SYNC: variants seen among roughly 807,000 people sequenced by gnomAD.
SYNC encodes syncoilin.
A neutral mutation model predicts 49.5 loss-of-function variants in SYNC; 38 were observed. The observed-to-expected ratio is 0.77, with a 90% CI of 0.59 to 1.01. SYNC has a LOEUF of 1.01. Among genes scored for constraint, SYNC ranks in the 50% least tolerant of loss-of-function variants. SYNC has a pLI of 0.00. For synonymous variants in SYNC, 201 were observed against 230.8 expected (o/e 0.87, Z 1.17); for missense variants, 579 against 580.6 (o/e 1.00, Z 0.03).
intron 1 of SYNC, among the ~76,000 whole-genome samples, chr1:32,697,242 G>T (rs1650474214): frequency 6.6e-6 from 1 of 150,524 alleles, no homozygotes; most frequent in Admixed American, 6.6e-5. Flanking sequence ...GGGAGTTCAA[G>T]ACCAGCCTGA....
chr1:32,681,913 C>G (rs1649464558), intron 4 of SYNC, 53 bp from the exon 5 acceptor site: 1 of 1,500,372 alleles, frequency 6.7e-7, no homozygotes, highest in Admixed American at 1.7e-5. Flanking sequence ...GGTTTAGTTA[C>G]TGCAGGCTTT....
intron 2 of SYNC, chr1:32,684,737 G>T (rs1649701993): frequency 5.6e-6 from 1 of 177,046 alleles, no homozygotes; most frequent in Non-Finnish European, 1.2e-5. Context: ...TCCATGTGCA[G>T]GTTTGTTAAG....
chr1:32,690,512 G>T (rs1202811852), intron 2 of SYNC, among the ~76,000 whole-genome samples: 1 of 151,998 alleles, frequency 6.6e-6, no homozygotes, highest in Non-Finnish European at 1.5e-5. Flanking sequence ...AGGCCTGGTG[G>T]CGGGCACCTG....
At position 32,695,178 on chromosome 1, in the gene SYNC, T is replaced by G; in HGVS notation, c.920A>C (p.Glu307Ala). The change falls in exon 2 of 5, where the codon GAA (glutamate) becomes GCA (alanine). Residue 307 changes from glutamate to alanine, a missense_variant. Coordinates refer to ENST00000409190, the MANE Select transcript of SYNC (RefSeq NM_030786.3). ...KQKEQLRQQL[E>A]APPSQRDGHF... Reference sequence around the variant, plus strand: ...CCCATCCCTCTGGCTTGGAGGGGCTTCTAGTTGTTGCCGCAGCTGCTCCTT... The same window carrying G: ...CCCATCCCTCTGGCTTGGAGGGGCTGCTAGTTGTTGCCGCAGCTGCTCCTT... The G allele has an allele frequency of 6.3e-7, 1 of 1,575,568 alleles. No individual in the cohort carries two copies. The highest frequency in any genetic ancestry group is 8.6e-7 in the Non-Finnish European group (1 of 1,160,288).
rs148591299 is a variant in SYNC, at chr1:32,683,736, G to A, written c.1438+274C>T. 2.6e-3 allele frequency: 877 copies of A among 339,860 alleles called. 4 individuals are homozygous for A. The highest frequency in any genetic ancestry group is 8.2e-3 in the Middle Eastern group (9 of 1,092). The allele number at this position is 339,860 out of a possible 1,614,324, so 21.1% of individuals were successfully genotyped here. On this transcript the variant is annotated intron_variant, in intron 4 of 4. Coordinates refer to ENST00000409190, the MANE Select transcript of SYNC (RefSeq NM_030786.3). The stretch of plus-strand genomic sequence containing the variant: ...GCAACCTCTGCCTCCTGGTTCAAGC[G>A]ATTCTCCTGCCTTGGCCTCCTGAGT...
At chr1:32,687,735 C>T (rs1382506701) in intron 2 of SYNC, among the ~76,000 whole-genome samples, 1 of 151,580 alleles carries the variant, frequency 6.6e-6, no homozygotes, top group African/African-American at 2.4e-5. Flanking sequence ...GTGATTCCAC[C>T]ACTAAGCTCA....
intron 4 of SYNC, 175 bp from the exon 5 acceptor site, chr1:32,682,035 G>A: frequency 1.7e-6 from 1 of 599,732 alleles, no homozygotes; most frequent in Non-Finnish European, 3.0e-6. Flanking sequence ...GATGGTGATG[G>A]GAGGGATAGT....
intron 4 of SYNC, chr1:32,683,368 GAT>G (rs1649581942): frequency 6.6e-6 from 1 of 151,746 alleles, no homozygotes; most frequent in Non-Finnish European, 1.5e-5. Flanking sequence ...TTAATGGATA[GAT>G]ATGTTTATTA....
In SYNC at chr1:32,684,069, C is replaced by T. The variant is rs777952731; in HGVS notation, c.1379G>A (p.Ser460Asn). 22 of 1,614,056 alleles carry T rather than the reference C, an allele frequency of 1.4e-5. No individual in the cohort carries two copies. Among genetic ancestry groups the T allele is most frequent in the South Asian group, 3.3e-5 (3 of 91,084 alleles). ...STYKAMLLPK[S>N]LEQADAPTSQ... The stretch of plus-strand genomic sequence containing the variant: ...AGTGGGAGCATCAGCCTGTTCCAGG[C>T]TCTTGGGTAGTAGCATAGCCCTTTA... Residue 460 changes from serine to asparagine, a missense_variant, in exon 4 of 5, where the codon AGC becomes AAC. Ser to Asn is a conservative substitution (Grantham distance 46). Transcript: ENST00000409190.
At chr1:32,694,379 C>G (rs1342562321) in intron 2 of SYNC, among the ~76,000 whole-genome samples, 1 of 146,932 alleles carries the variant, frequency 6.8e-6, no homozygotes, top group Admixed American at 6.8e-5. Context: ...GCAGGCCGGG[C>G]GCGGTGGCTC....
intron 2 of SYNC, among the ~76,000 whole-genome samples, chr1:32,687,832 G>GA (rs539392693): frequency 0.03 from 675 of 22,514 alleles, 5 homozygotes; most frequent in South Asian, 0.064. Context: ...CCTGCCCAGT[G>GA]AATTATTATT....
At chr1:32,687,936 A>G (rs138168295) in intron 2 of SYNC, among the ~76,000 whole-genome samples, 16,569 of 150,784 alleles carry the variant, frequency 0.11, 1,702 homozygotes, top group African/African-American at 0.26. Context: ...TGCAACCTCC[A>G]GCTCCTGGGT....
rs144550530 is a variant in SYNC at position 32,692,485 on chromosome 1, A to G, written c.1233+2380T>C. ...GTATTACTTCTGGGTGTGGTGGCTT[A>G]CGCCTGTAATCCCAACACTGGGAGG... On this transcript the variant is annotated intron_variant, in intron 2 of 4. Transcript: ENST00000409190. Among the ~76,000 whole-genome samples the G allele has an allele frequency of 2.8e-3, 434 of 152,326 alleles. 2 individuals carry two copies. The highest frequency in any genetic ancestry group is 0.01 in the African/African-American group (418 of 41,554).
chr1:32,695,474 C>T lies in SYNC; in HGVS notation c.624G>A (p.Leu208=). 1 of 1,551,532 alleles carries T rather than the reference C, an allele frequency of 6.4e-7. No homozygotes were observed. Among genetic ancestry groups the T allele is most frequent in the Non-Finnish European group, 8.7e-7 (1 of 1,147,002 alleles). The change falls in exon 2 of 5, where the codon CTG becomes CTA. Residue 208 remains leucine (L), a synonymous_variant. Coordinates refer to ENST00000409190, the MANE Select transcript of SYNC (RefSeq NM_030786.3). ...CTTGATGGACTTGCTGTACCTCCTG[C>T]AGGGCTGGTTCCCGGAGCAATACAA... ...HELVLLREPA[L]QEVQQVHQDI...
intron 1 of SYNC, among the ~76,000 whole-genome samples, chr1:32,700,688 ACT>A (rs1314996704): frequency 2.0e-5 from 3 of 152,034 alleles, no homozygotes; most frequent in African/African-American, 7.3e-5. Flanking sequence ...CAAGAGCAAG[ACT>A]CTGTCTCAAA....
chr1:32,694,438 G>A (rs1015382886), intron 2 of SYNC, among the ~76,000 whole-genome samples: 2 of 152,032 alleles, frequency 1.3e-5, no homozygotes, highest in Non-Finnish European at 2.9e-5. Flanking sequence ...CGGATCACGA[G>A]GTCAGGAGAT....
At chr1:32,684,656 G>C (rs193182054) in intron 2 of SYNC, 1 of 403,004 alleles carries the variant, frequency 2.5e-6, no homozygotes, top group East Asian at 5.2e-5. Flanking sequence ...GGACTTTTTA[G>C]TATTACAACC....
chr1:32,697,883 T>C (rs1223883609), intron 1 of SYNC, among the ~76,000 whole-genome samples: 2 of 152,122 alleles, frequency 1.3e-5, no homozygotes, highest in Non-Finnish European at 2.9e-5. Context: ...AATTTGCCTT[T>C]ATTCTTAAGT....
At chr1:32,690,085 A>G (rs1376610607) in intron 2 of SYNC, among the ~76,000 whole-genome samples, 1 of 152,196 alleles carries the variant, frequency 6.6e-6, no homozygotes, top group Non-Finnish European at 1.5e-5. Flanking sequence ...TTATACTACC[A>G]AGAGTGTATC....
Sources: allele counts gnomAD v4.1 joint callset (sites outside exome capture counted in the v4.1 genomes callset), GRCh38; gene constraint gnomAD v4.1.1; transcripts MANE v1.5; gene names NCBI Gene and HGNC (gene_info 2026-07-23, HGNC 2026-07-21).